HEMK2: variants seen among roughly 807,000 people sequenced by gnomAD.
HEMK2 encodes the protein HemK methyltransferase 2, ETF1 glutamine and histone H4 lysine, also known as methyltransferase HEMK2.
At chr21:28,776,050 A>G in the HEMK2 span, among the ~76,000 whole-genome samples, 1 of 152,148 alleles carries the variant, frequency 6.6e-6, no homozygotes, top group Non-Finnish European at 1.5e-5. Context: ...GAGGAGTTAT[A>G]GGTTTTAACC....
chr21:28,746,672 T>A, the HEMK2 span, among the ~76,000 whole-genome samples: 3 of 144,904 alleles, frequency 2.1e-5, no homozygotes, highest in Non-Finnish European at 1.5e-5. Flanking sequence ...AGGGCCAATC[T>A]AAAAAAAAAA....
chr21:28,697,778 CAAAAAAAAAAAAA>C, the HEMK2 span, among the ~76,000 whole-genome samples: 2 of 79,554 alleles, frequency 2.5e-5, no homozygotes, highest in Admixed American at 3.1e-4. Context: ...ATCATGAGCC[CAAAAAAAAAAAAA>C]AAAAAAAATC....
chr21:28,650,168 G>A, the HEMK2 span, among the ~76,000 whole-genome samples: 7 of 152,280 alleles, frequency 4.6e-5, no homozygotes, highest in East Asian at 1.9e-4. Context: ...AGTCCAAGGC[G>A]GGTGGATCAC....
chr21:28,788,225 T>C, the HEMK2 span, among the ~76,000 whole-genome samples: 31 of 114,276 alleles, frequency 2.7e-4, no homozygotes, highest in African/African-American at 1.3e-3. Flanking sequence ...TATGTATATA[T>C]ACACGTATAT....
chr21:28,721,900 T>TCACACACACACACA, the HEMK2 span, among the ~76,000 whole-genome samples: 1 of 127,296 alleles, frequency 7.9e-6, no homozygotes, highest in Non-Finnish European at 1.6e-5. Flanking sequence ...TTCTTAACCA[T>TCACACACACACACA]CACACACACA....
the HEMK2 span, among the ~76,000 whole-genome samples, chr21:28,833,162 G>A: frequency 6.6e-6 from 1 of 152,160 alleles, no homozygotes; most frequent in African/African-American, 2.4e-5. Context: ...TTAGGTCCAC[G>A]CTTTTACTAT....
the HEMK2 span, among the ~76,000 whole-genome samples, chr21:28,583,899 T>C: frequency 9.1e-3 from 1,386 of 152,328 alleles, 10 homozygotes; most frequent in Middle Eastern, 0.014. Flanking sequence ...TTCAGGAGTA[T>C]AAAAGTTTCT....
chr21:28,825,222 A>T, the HEMK2 span, among the ~76,000 whole-genome samples: 18 of 152,286 alleles, frequency 1.2e-4, no homozygotes, highest in Non-Finnish European at 2.1e-4. Flanking sequence ...AACCCCCTGG[A>T]GGGCTTGTTA....
At chr21:28,595,752 A>C in the HEMK2 span, among the ~76,000 whole-genome samples, 1 of 150,652 alleles carries the variant, frequency 6.6e-6, no homozygotes, top group Non-Finnish European at 1.5e-5. Context: ...GAAACCTCCA[A>C]ACAGTTCTTA....
At chr21:28,710,243 G>A in the HEMK2 span, among the ~76,000 whole-genome samples, 7 of 152,242 alleles carry the variant, frequency 4.6e-5, no homozygotes, top group Non-Finnish European at 7.4e-5. Flanking sequence ...AGAAGCAAAG[G>A]TTAAAATTTC....
At chr21:28,803,263 T>C in the HEMK2 span, among the ~76,000 whole-genome samples, 1 of 152,252 alleles carries the variant, frequency 6.6e-6, no homozygotes, top group Non-Finnish European at 1.5e-5. Flanking sequence ...ATACGGGTGC[T>C]GATCCCAAGG....
the HEMK2 span, among the ~76,000 whole-genome samples, chr21:28,866,767 C>G: frequency 1.3e-5 from 2 of 151,948 alleles, no homozygotes; most frequent in African/African-American, 4.8e-5. Context: ...AAAATTGACA[C>G]GATTGAGTAG....
At chr21:28,751,238 A>AAAAAAAAG in the HEMK2 span, among the ~76,000 whole-genome samples, 1 of 107,300 alleles carries the variant, frequency 9.3e-6, no homozygotes, top group African/African-American at 3.9e-5. Flanking sequence ...CTCAATGAAA[A>AAAAAAAAG]AAAAAAAAAA....
the HEMK2 span, among the ~76,000 whole-genome samples, chr21:28,711,055 T>C: frequency 6.6e-6 from 1 of 152,150 alleles, no homozygotes; most frequent in African/African-American, 2.4e-5. Context: ...CTACATCTAC[T>C]ATAAATACTA....
chr21:28,872,503 C>T, the HEMK2 span: 1 of 152,238 alleles, frequency 6.6e-6, no homozygotes, highest in Non-Finnish European at 1.5e-5. Context: ...TCTCCAGGAA[C>T]CCTTCTCTAT....
the HEMK2 span, among the ~76,000 whole-genome samples, chr21:28,659,463 G>A: frequency 1.3e-5 from 2 of 151,874 alleles, no homozygotes; most frequent in Non-Finnish European, 2.9e-5. Flanking sequence ...CTTCATCCCA[G>A]GCATTTTAAA....
the HEMK2 span, among the ~76,000 whole-genome samples, chr21:28,769,684 T>C: frequency 1.3e-5 from 2 of 152,074 alleles, no homozygotes; most frequent in South Asian, 4.1e-4. Context: ...ACCAGTGAAC[T>C]GAAATTTTTC....
the HEMK2 span, among the ~76,000 whole-genome samples, chr21:28,618,741 T>C: frequency 6.6e-6 from 1 of 152,216 alleles, no homozygotes; most frequent in East Asian, 1.9e-4. Flanking sequence ...AAGGTACTTT[T>C]ACTTTTTGAC....
the HEMK2 span, among the ~76,000 whole-genome samples, chr21:28,765,441 C>T: frequency 2.0e-5 from 3 of 152,088 alleles, no homozygotes; most frequent in Admixed American, 6.6e-5. Flanking sequence ...TAAGTGTGTG[C>T]TAATATTGTT....
Sources: allele counts gnomAD v4.1 joint callset (sites outside exome capture counted in the v4.1 genomes callset), GRCh38; gene constraint gnomAD v4.1.1; transcripts MANE v1.5; gene names NCBI Gene and HGNC (gene_info 2026-07-23, HGNC 2026-07-21).